The following MACROD2 variants were observed in gnomAD, a reference collection of about 807,000 sequenced individuals.
MACROD2 encodes the protein ADP-ribose glycohydrolase MACROD2.
A neutral mutation model predicts 70.4 loss-of-function variants in MACROD2; 36 were observed. The ratio of observed to expected loss-of-function variants is 0.51; its 90% CI spans 0.39 to 0.68. MACROD2 has a LOEUF of 0.68. MACROD2 is among the 30% of genes least tolerant of loss of function. The pLI, the probability that MACROD2 is intolerant of heterozygous loss-of-function variation, is 0.00. For synonymous variants in MACROD2, 172 were observed against 178.8 expected, an observed-to-expected ratio of 0.96 and a Z score of 0.30; for missense variants, 496 against 538.4, an observed-to-expected ratio of 0.92 and a Z score of 0.78.
At chr20:14,346,506 C>T (rs2224428) in intron 3 of MACROD2, among the ~76,000 whole-genome samples, 20 of 152,284 alleles carry the variant, frequency 1.3e-4, no homozygotes, top group African/African-American at 4.6e-4. Context: ...AGCAGATGCT[C>T]GTTCAAGCAC....
At chr20:16,032,977 T>C (rs1242034806) in intron 15 of MACROD2, among the ~76,000 whole-genome samples, 1 of 152,052 alleles carries the variant, frequency 6.6e-6, no homozygotes, top group South Asian at 2.1e-4. Flanking sequence ...CTTTGACTTA[T>C]TTTGCGTGAC....
At chr20:15,208,762 T>G (rs976517386) in intron 5 of MACROD2, among the ~76,000 whole-genome samples, 15 of 152,168 alleles carry the variant, frequency 9.9e-5, no homozygotes, top group Admixed American at 9.2e-4. Flanking sequence ...TTGTTACTAC[T>G]CCCCAGTTAG....
chr20:15,993,456 G>C (rs1177648189), intron 15 of MACROD2, among the ~76,000 whole-genome samples: 1 of 152,008 alleles, frequency 6.6e-6, no homozygotes, highest in East Asian at 1.9e-4. Flanking sequence ...GTAACATGCT[G>C]TATGGGTTTA....
chr20:14,770,948 G>T (rs1170293651), intron 5 of MACROD2, among the ~76,000 whole-genome samples: 2 of 152,046 alleles, frequency 1.3e-5, no homozygotes, highest in Non-Finnish European at 2.9e-5. Flanking sequence ...AACTTGACTA[G>T]ATCATAGGGT....
At chr20:15,249,635 G>C (rs760908262) in intron 6 of MACROD2, among the ~76,000 whole-genome samples, 5 of 152,198 alleles carry the variant, frequency 3.3e-5, no homozygotes, top group Non-Finnish European at 7.3e-5. Flanking sequence ...TTTAACATTT[G>C]TTGGGCATCC....
At chr20:15,460,300 A>G (rs757340682) in intron 7 of MACROD2, among the ~76,000 whole-genome samples, 5 of 152,118 alleles carry the variant, frequency 3.3e-5, no homozygotes, top group Admixed American at 6.6e-5. Context: ...GCCAGGACCA[A>G]TTGGCAACAT....
chr20:15,778,367 G>T (rs113620296), intron 8 of MACROD2, among the ~76,000 whole-genome samples: 3 of 151,992 alleles, frequency 2.0e-5, no homozygotes, highest in South Asian at 2.1e-4. Context: ...TTTGATCATG[G>T]CATATTTATT....
intron 13 of MACROD2, among the ~76,000 whole-genome samples, chr20:15,979,584 C>A (rs2066365071): frequency 6.9e-6 from 1 of 144,890 alleles, no homozygotes; most frequent in African/African-American, 2.6e-5. Flanking sequence ...CTGCTTTGCA[C>A]CTATAACCAA....
chr20:14,010,850 T>C (rs2052893121), intron 2 of MACROD2, among the ~76,000 whole-genome samples: 1 of 152,190 alleles, frequency 6.6e-6, no homozygotes, highest in East Asian at 1.9e-4. Flanking sequence ...ATTGACTGTG[T>C]CATAAATTCT....
intron 8 of MACROD2, among the ~76,000 whole-genome samples, chr20:15,783,617 T>C (rs989210778): frequency 6.6e-6 from 1 of 152,160 alleles, no homozygotes; most frequent in African/African-American, 2.4e-5. Flanking sequence ...CTATCCAAAA[T>C]AGGACACTTT....
At chr20:14,500,213 C>T (rs2084901628) in intron 4 of MACROD2, among the ~76,000 whole-genome samples, 1 of 152,168 alleles carries the variant, frequency 6.6e-6, no homozygotes, top group African/African-American at 2.4e-5. Context: ...TTTGACAGTC[C>T]CAGCATGCCA....
chr20:14,254,522 TTC>T (rs2082037694), intron 3 of MACROD2, among the ~76,000 whole-genome samples: 1 of 152,150 alleles, frequency 6.6e-6, no homozygotes, highest in African/African-American at 2.4e-5. Flanking sequence ...TTTAATTATA[TTC>T]TCTTTAGTCA....
chr20:15,975,346 A>C (rs1312450256), intron 13 of MACROD2, among the ~76,000 whole-genome samples: 1 of 152,148 alleles, frequency 6.6e-6, no homozygotes, highest in Non-Finnish European at 1.5e-5. Flanking sequence ...AATAAAAGGT[A>C]GAATGTTCAT....
chr20:15,561,465 G>C (rs938212273), intron 8 of MACROD2, among the ~76,000 whole-genome samples: 2 of 152,142 alleles, frequency 1.3e-5, no homozygotes, highest in Non-Finnish European at 2.9e-5. Context: ...TACTTGCTTT[G>C]ATGTTCTTGG....
At chr20:14,386,793 T>C (rs1332353545) in intron 3 of MACROD2, among the ~76,000 whole-genome samples, 1 of 152,182 alleles carries the variant, frequency 6.6e-6, no homozygotes, top group Non-Finnish European at 1.5e-5. Context: ...CAGTATCGGG[T>C]GTTTCTTTGT....
intron 8 of MACROD2, among the ~76,000 whole-genome samples, chr20:15,722,458 C>T (rs957601914): frequency 1.3e-5 from 2 of 152,118 alleles, no homozygotes; most frequent in Non-Finnish European, 1.5e-5. Flanking sequence ...ACTTGGCATT[C>T]TCAAATTACT....
At chr20:15,452,029 G>C (rs909084467) in intron 7 of MACROD2, among the ~76,000 whole-genome samples, 1 of 152,096 alleles carries the variant, frequency 6.6e-6, no homozygotes, top group Non-Finnish European at 1.5e-5. Context: ...TCTGCTGCAG[G>C]CTGTAACGGA....
chr20:14,385,522 A>C (rs953203350), intron 3 of MACROD2, among the ~76,000 whole-genome samples: 2 of 152,182 alleles, frequency 1.3e-5, no homozygotes, highest in African/African-American at 2.4e-5. Flanking sequence ...CTACATGTCA[A>C]AGATAGCATT....
At chr20:15,137,593 A>G (rs1214591048) in intron 5 of MACROD2, among the ~76,000 whole-genome samples, 1 of 149,278 alleles carries the variant, frequency 6.7e-6, no homozygotes, top group African/African-American at 2.5e-5. Context: ...TAGCATTAGG[A>G]GATATACCTA....
Sources: allele counts gnomAD v4.1 joint callset (sites outside exome capture counted in the v4.1 genomes callset), GRCh38; gene constraint gnomAD v4.1.1; transcripts MANE v1.5; gene names NCBI Gene and HGNC (gene_info 2026-07-23, HGNC 2026-07-21).